MRPL19: variants seen among roughly 807,000 people sequenced by gnomAD.
MRPL19 encodes the protein large ribosomal subunit protein bL19m.
MRPL19 carries 31 observed loss-of-function variants against 34.0 expected under a neutral mutation model. The ratio of observed to expected loss-of-function variants is 0.91; its 90% CI spans 0.68 to 1.23. The LOEUF is 1.23. MRPL19 is among the 50% of genes most tolerant of loss of function. The probability of loss-of-function intolerance (pLI) is 0.00; values close to 1 mark genes in which losing one functional copy is unlikely to be tolerated. For synonymous variants in MRPL19, 152 were observed against 127.7 expected (o/e 1.19, Z -1.28); for missense variants, 384 against 367.6 (o/e 1.04, Z -0.37).
rs779651858 is a variant in MRPL19 at position 75,647,179 on chromosome 2, G to A, written c.181G>A (p.Val61Ile). ...TGCGTTCCAACCGCCGCCGAAACCGGTCATCGTGGACAAGCACCGCCCCGT... is the reference window on the plus strand; with the variant it reads ...TGCGTTCCAACCGCCGCCGAAACCGATCATCGTGGACAAGCACCGCCCCGT... ...PGAFQPPPKP[V>I]IVDKHRPVEP... The change falls in exon 2 of 6, where the codon GTC becomes ATC. Residue 61 changes from valine to isoleucine, a missense_variant. Val to Ile is a conservative substitution (Grantham distance 29). Coordinates refer to ENST00000393909, the MANE Select transcript of MRPL19 (RefSeq NM_014763.4). The A allele has an allele frequency of 3.2e-6, 5 of 1,580,882 alleles. No homozygotes were observed. The highest frequency in any genetic ancestry group is 2.7e-5 in the African/African-American group (2 of 74,268).
intron 2 of MRPL19, among the ~76,000 whole-genome samples, chr2:75,650,597 TACCTC>T (rs1436098551): frequency 1.3e-5 from 2 of 152,102 alleles, no homozygotes; most frequent in Admixed American, 1.3e-4. Flanking sequence ...AGGAAGGACT[TACCTC>T]CTACAGAGGC....
At position 75,655,114 on chromosome 2, in the gene MRPL19, AAATTTTAATATT is replaced by A. The variant is rs1389869837; in HGVS notation, c.711_722del (p.Asn237_Ile240del). 6.2e-7 allele frequency: 1 copy of A among 1,612,340 alleles called. No individual in the cohort carries two copies. Among genetic ancestry groups the A allele is most frequent in the Non-Finnish European group, 8.5e-7 (1 of 1,179,544 alleles). On this transcript the variant is annotated inframe_deletion, in exon 6 of 6. Transcript: ENST00000393909. The stretch of plus-strand genomic sequence containing the variant: ...CCTGGTCTAAACGCTGGGAACGTCC[AAATTTTAATATT>A]AAAGGAATCAGATTTGATCTTTGTT...
In MRPL19 at chr2:75,646,839, C is replaced by G. The variant is rs1230685473; in HGVS notation, c.32C>G (p.Ala11Gly). MAACIAAGHW[A>G]AMGLGRSFQA... ...GCCTGCATTGCAGCGGGGCACTGGGCTGCAATGGGCCTAGGCCGGAGTTTC... is the reference window on the plus strand; with the variant it reads ...GCCTGCATTGCAGCGGGGCACTGGGGTGCAATGGGCCTAGGCCGGAGTTTC... The change falls in exon 1 of 6, where the codon GCT (alanine) becomes GGT (glycine). Residue 11 changes from alanine (A) to glycine (G), a missense_variant. Physicochemically the swap from Ala to Gly is moderately conservative, Grantham distance 60. Transcript: ENST00000393909. The G allele has an allele frequency of 6.3e-6, 10 of 1,589,680 alleles. No homozygotes were observed. The highest frequency in any genetic ancestry group is 8.6e-6 in the Non-Finnish European group (10 of 1,168,130).
rs1484328110 is a variant in MRPL19, at chr2:75,655,714, A to G, written c.*429A>G. ...TATTAATATGTAGGAATGTTAAGAAATAAAACATTTAATAAGATCTCAGAA... is the reference window on the plus strand; with the variant it reads ...TATTAATATGTAGGAATGTTAAGAAGTAAAACATTTAATAAGATCTCAGAA... On this transcript the variant is annotated 3_prime_UTR_variant, in exon 6 of 6. Coordinates refer to ENST00000393909, the MANE Select transcript of MRPL19 (RefSeq NM_014763.4). The G allele has an allele frequency of 1.3e-5, 2 of 152,988 alleles. No individual in the cohort carries two copies. 9.5% of individuals were successfully genotyped at this position (152,988 alleles called of 1,614,324 possible). A position where few individuals can be genotyped will look rare whatever the true frequency, so the allele number is the denominator to read the frequency against.
chr2:75,652,288 T>G (rs752263599), intron 3 of MRPL19, 28 bp downstream of exon 3: 12 of 1,443,664 alleles, frequency 8.3e-6, no homozygotes, highest in South Asian at 3.7e-5. Context: ...GTTTTTATTA[T>G]TAGTAATTAG....
At chr2:75,651,378 T>C (rs1323488083) in intron 2 of MRPL19, 5 of 535,164 alleles carry the variant, frequency 9.3e-6, no homozygotes, top group African/African-American at 7.7e-5. Flanking sequence ...ACACCGCATA[T>C]GTACCTGGCT....
In MRPL19 at chr2:75,656,571, C is replaced by T. The variant is rs1471525052; in HGVS notation, c.*1286C>T. ...AAAATTTTTGAGACCTTGCATGTCTCATGTTTGATTGATACTTTATACGTT... is the reference window on the plus strand; with the variant it reads ...AAAATTTTTGAGACCTTGCATGTCTTATGTTTGATTGATACTTTATACGTT... On this transcript the variant is annotated 3_prime_UTR_variant, in exon 6 of 6. Transcript: ENST00000393909. The T allele has an allele frequency of 6.9e-6, 1 of 145,018 alleles. No homozygotes were observed. Among genetic ancestry groups the T allele is most frequent in the Admixed American group, 6.9e-5 (1 of 14,558 alleles). The allele number at this position is 145,018 out of a possible 1,614,324, so 9.0% of individuals were successfully genotyped here.
In MRPL19 at chr2:75,660,580, T is replaced by G. The variant is rs1678588187; in HGVS notation, c.*5295T>G. The G allele has an allele frequency of 2.0e-5, 3 of 152,232 alleles. No individual in the cohort carries two copies. The highest frequency in any genetic ancestry group is 7.2e-5 in the African/African-American group (3 of 41,462). The allele number at this position is 152,232 out of a possible 1,614,324, so 9.4% of individuals were successfully genotyped here. ...ATTTCCAAACTATTTTTGCAAAGAC[T>G]GTATTCCTTCTGTGTGTCATCACTG... On this transcript the variant is annotated 3_prime_UTR_variant, in exon 6 of 6. Coordinates refer to ENST00000393909, the MANE Select transcript of MRPL19 (RefSeq NM_014763.4).
At chr2:75,652,358 T>C (rs1365072007) in intron 3 of MRPL19, 98 bp downstream of exon 3, 1 of 1,311,334 alleles carries the variant, frequency 7.6e-7, no homozygotes, top group East Asian at 2.3e-5. Flanking sequence ...GATTGTTTTT[T>C]ACATATCTGG....
chr2:75,654,097 A>G (rs926940905), intron 4 of MRPL19, among the ~76,000 whole-genome samples: 1 of 152,168 alleles, frequency 6.6e-6, no homozygotes, highest in African/African-American at 2.4e-5. Context: ...TATTTCTCAC[A>G]GTTCGGGAGG....
chr2:75,647,559 A>G (rs1678251240), intron 2 of MRPL19: 1 of 211,686 alleles, frequency 4.7e-6, no homozygotes, highest in Admixed American at 5.5e-5. Context: ...TTCTCTCAAA[A>G]GACCCTTAAC....
chr2:75,649,567 G>A (rs1480694577), intron 2 of MRPL19, among the ~76,000 whole-genome samples: 5 of 152,164 alleles, frequency 3.3e-5, no homozygotes, highest in Admixed American at 6.5e-5. Context: ...GGTGTCAGAA[G>A]GGTATCGTGA....
At chr2:75,654,468 G>C (rs1310448227) in intron 4 of MRPL19, among the ~76,000 whole-genome samples, 1 of 152,136 alleles carries the variant, frequency 6.6e-6, no homozygotes, top group African/African-American at 2.4e-5. Context: ...GAATTGAAGA[G>C]ATATGTGACT....
At position 75,656,493 on chromosome 2, in the gene MRPL19, G is replaced by T. The variant is rs1226176240; in HGVS notation, c.*1208G>T. On this transcript the variant is annotated 3_prime_UTR_variant, in exon 6 of 6. Coordinates refer to ENST00000393909, the MANE Select transcript of MRPL19 (RefSeq NM_014763.4). ...TTTCCATTTTATTGAGTACTAACTT[G>T]TTTTGCTGCAGCACATCCTTTGGTA... The T allele has an allele frequency of 6.6e-6, 1 of 152,068 alleles. No individual in the cohort carries two copies. Among genetic ancestry groups the T allele is most frequent in the African/African-American group, 2.4e-5 (1 of 41,378 alleles). 9.4% of individuals were successfully genotyped at this position (152,068 alleles called of 1,614,324 possible).
At chr2:75,647,471 T>A in intron 2 of MRPL19, 1 of 496,138 alleles carries the variant, frequency 2.0e-6, no homozygotes, top group Non-Finnish European at 3.6e-6. Flanking sequence ...CTCTTTTCTC[T>A]GTGGTATTTG....
chr2:75,659,303 C>A lies in MRPL19; in HGVS notation c.*4018C>A, dbSNP rs1207341688. On this transcript the variant is annotated 3_prime_UTR_variant, in exon 6 of 6. Coordinates refer to ENST00000393909, the MANE Select transcript of MRPL19 (RefSeq NM_014763.4). ...CTACTCCTGTAAAGCTCTGCCCCTG[C>A]CCCCCTTATGTTATTGATGGCACAA... Among the ~76,000 whole-genome samples the A allele has an allele frequency of 6.6e-6, 1 of 152,054 alleles. No individual in the cohort carries two copies. The highest frequency in any genetic ancestry group is 2.4e-5 in the African/African-American group (1 of 41,412).
chr2:75,647,112 G>A lies in MRPL19; in HGVS notation c.114G>A (p.Ala38=), dbSNP rs1376858914. Residue 38 remains alanine, a synonymous_variant, in exon 2 of 6, where the codon GCG becomes GCA. Coordinates refer to ENST00000393909, the MANE Select transcript of MRPL19 (RefSeq NM_014763.4). ...PPASIACRVH[A]GPVRQQSTGP... ...CGTCCGCTCCCGCAGGGGTCCACGC[G>A]GGGCCTGTCCGGCAGCAGAGCACTG... 4.4e-6 allele frequency: 7 copies of A among 1,586,484 alleles called. No individual in the cohort carries two copies. The highest frequency in any genetic ancestry group is 1.3e-5 in the African/African-American group (1 of 74,450).
Position 75,655,476 on chromosome 2 carries a change from C to A in MRPL19, c.*191C>A. The A allele has an allele frequency of 2.1e-6, 1 of 483,628 alleles. No individual in the cohort carries two copies. The highest frequency in any genetic ancestry group is 3.6e-6 in the Non-Finnish European group (1 of 277,528). The allele number at this position is 483,628 out of a possible 1,614,324, so 30.0% of individuals were successfully genotyped here. On this transcript the variant is annotated 3_prime_UTR_variant, in exon 6 of 6. Coordinates refer to ENST00000393909, the MANE Select transcript of MRPL19 (RefSeq NM_014763.4). ...TACTCTAAAAAGAGAATTACACATG[C>A]CAAATGGACCAATGTCCATTTGCTT... is the stretch of plus-strand genomic sequence containing the variant.
chr2:75,654,698 G>A, intron 4 of MRPL19, 38 bp from the exon 5 acceptor site: 1 of 1,593,488 alleles, frequency 6.3e-7, no homozygotes, highest in Non-Finnish European at 8.6e-7. Flanking sequence ...TAGGAACGTG[G>A]ACTTAGATTG....
Sources: allele counts gnomAD v4.1 joint callset (sites outside exome capture counted in the v4.1 genomes callset), GRCh38; gene constraint gnomAD v4.1.1; transcripts MANE v1.5; gene names NCBI Gene and HGNC (gene_info 2026-07-23, HGNC 2026-07-21).